Variants in RFLNA observed in about 807,000 individuals in gnomAD.
The protein encoded by RFLNA is refilin-A.
RFLNA carries 5 observed loss-of-function variants against 7.8 expected under a neutral mutation model. The ratio of observed to expected loss-of-function variants is 0.64; its 90% confidence interval spans 0.34 to 1.35. RFLNA has a LOEUF of 1.35. RFLNA is among the 40% of genes most tolerant of loss of function. The pLI is 0.04. For synonymous variants in RFLNA, 141 were observed against 131.3 expected (o/e 1.07, Z -0.50); for missense variants, 278 against 305.5 (o/e 0.91, Z 0.67).
chr12:124,296,326 C>T (rs1178056983), intron 1 of RFLNA, among the ~76,000 whole-genome samples: 1 of 150,562 alleles, frequency 6.6e-6, no homozygotes. Context: ...AGTTTGTCTC[C>T]TGCCAGACTA....
At chr12:124,301,929 C>T (rs1023790347) in intron 1 of RFLNA, among the ~76,000 whole-genome samples, 3 of 152,156 alleles carry the variant, frequency 2.0e-5, no homozygotes, top group African/African-American at 4.8e-5. Context: ...TTCCGGAGGC[C>T]AAGAAGTCTG....
chr12:124,309,441 G>A (rs1047617738), intron 1 of RFLNA, among the ~76,000 whole-genome samples: 4 of 152,202 alleles, frequency 2.6e-5, no homozygotes, highest in African/African-American at 9.7e-5. Flanking sequence ...GCGCAGTGCC[G>A]GCACACAGTG....
At position 124,295,636 on chromosome 12, in the gene RFLNA, G is replaced by T. The variant is rs1356626477; in HGVS notation, c.207G>T (p.Ala69=). Residue 69 remains alanine (A), a splice_region_variant and synonymous_variant, in exon 1 of 3, where the codon GCG becomes GCT. Transcript: ENST00000546355. The part of the protein sequence containing the change: ...SEPPGPSEAR[A]PPSQLPNPPA... ...CCCCGGGACCCAGCGAGGCCAGAGC[G>T]GTAAGGAGGCGCTCTCTCTCCCAAA... 1.6e-6 allele frequency: 2 copies of T among 1,233,034 alleles called. No individual in the cohort carries two copies. The highest frequency in any genetic ancestry group is 1.6e-5 in the African/African-American group (1 of 64,454). 76.4% of individuals were successfully genotyped at this position (1,233,034 alleles called of 1,614,324 possible). A position where few individuals can be genotyped will look rare whatever the true frequency, so the allele number is the denominator to read the frequency against.
At chr12:124,312,830 T>C (rs888080787) in intron 2 of RFLNA, among the ~76,000 whole-genome samples, 1 of 152,168 alleles carries the variant, frequency 6.6e-6, no homozygotes, top group African/African-American at 2.4e-5. Context: ...GGCATCCGAA[T>C]TGAATTAAGG....
intron 1 of RFLNA, among the ~76,000 whole-genome samples, chr12:124,302,950 G>C (rs901853158): frequency 5.3e-5 from 8 of 152,070 alleles, no homozygotes; most frequent in Admixed American, 5.2e-4. Flanking sequence ...GGGGCTCCCT[G>C]GCTATCCTGC....
Position 124,301,637 on chromosome 12 carries a change from C to T in RFLNA, c.207+6001C>T, listed in dbSNP as rs772832878. On this transcript the variant is annotated intron_variant, in intron 1 of 2. Transcript: ENST00000546355. ...TTTATAAGGGCAGGGTCTGGGTTCG[C>T]CATTTTTTTGTGTACAGAGATGGGT... is the stretch of plus-strand genomic sequence containing the variant. 7.1e-4 allele frequency among the ~76,000 whole-genome samples: 108 copies of T among 152,218 alleles called. 1 individual carries two copies. The highest frequency in any genetic ancestry group is 3.5e-4 in the Non-Finnish European group (24 of 68,016).
At chr12:124,292,633 G>A (rs1165337627), upstream of RFLNA, among the ~76,000 whole-genome samples, 5 of 152,176 alleles carry the variant, frequency 3.3e-5, no homozygotes, top group Non-Finnish European at 7.3e-5. Flanking sequence ...CCTTTGTAGT[G>A]CACTCATGTT....
chr12:124,309,063 C>T (rs2034188765), intron 1 of RFLNA, among the ~76,000 whole-genome samples: 1 of 152,196 alleles, frequency 6.6e-6, no homozygotes, highest in East Asian at 1.9e-4. Context: ...GAACAGGGTC[C>T]CAGGGCATGG....
intron 1 of RFLNA, among the ~76,000 whole-genome samples, chr12:124,300,226 C>T (rs577393854): frequency 6.6e-6 from 1 of 152,240 alleles, no homozygotes. Flanking sequence ...CAGCTGGTGG[C>T]CTGGGCTCTG....
chr12:124,307,960 G>A (rs1027543213), intron 1 of RFLNA, among the ~76,000 whole-genome samples: 1 of 151,212 alleles, frequency 6.6e-6, no homozygotes, highest in African/African-American at 2.4e-5. Context: ...CCTCCACATC[G>A]TCCCTGTGCG....
chr12:124,301,227 C>T (rs958269332), intron 1 of RFLNA, among the ~76,000 whole-genome samples: 1 of 152,176 alleles, frequency 6.6e-6, no homozygotes, highest in Non-Finnish European at 1.5e-5. Flanking sequence ...CGCGTCTGCT[C>T]GATCCCGGGT....
rs1347193364 is a variant in RFLNA, at chr12:124,316,007, T to C, written c.*1482T>C. 1 of 152,258 alleles carries C rather than the reference T, an allele frequency of 6.6e-6. No homozygotes were observed. The highest frequency in any genetic ancestry group is 1.5e-5 in the Non-Finnish European group (1 of 68,048). 9.4% of individuals were successfully genotyped at this position (152,258 alleles called of 1,614,324 possible). A position where few individuals can be genotyped will look rare whatever the true frequency, so the allele number is the denominator to read the frequency against. ...TTAAGAAATTGATTGATTATCTTAA[T>C]AAACTGTGCAAACCCAACGGGACTT... On this transcript the variant is annotated 3_prime_UTR_variant, in exon 3 of 3. Coordinates refer to ENST00000546355, the MANE Select transcript of RFLNA (RefSeq NM_001365156.1).
At position 124,314,471 on chromosome 12, in the gene RFLNA, G is replaced by C. The variant is rs2034313381; in HGVS notation, c.597G>C (p.Gln199His). 1.3e-6 allele frequency: 2 copies of C among 1,598,890 alleles called. No homozygotes were observed. The highest frequency in any genetic ancestry group is 1.7e-6 in the Non-Finnish European group (2 of 1,179,298). Residue 199 changes from glutamine to histidine, a missense_variant, in exon 3 of 3, where the codon CAG becomes CAC. Gln to His is a conservative substitution (Grantham distance 24, BLOSUM62 0). Coordinates refer to ENST00000546355, the MANE Select transcript of RFLNA (RefSeq NM_001365156.1). Reference sequence around the variant, plus strand: ...GCCGCTGGTTCACCGCCAGCGTGCAGCTGCAGCTTTGCCAGGACCCTGCCC... The same window carrying C: ...GCCGCTGGTTCACCGCCAGCGTGCACCTGCAGCTTTGCCAGGACCCTGCCC... ...RPSRWFTASV[Q>H]LQLCQDPAPS...
rs1460627148 is a variant in RFLNA, at chr12:124,311,964, G to T, written c.317+37G>T. 59 of 1,492,764 alleles carry T rather than the reference G, an allele frequency of 4.0e-5. 2 individuals carry two copies. The highest frequency in any genetic ancestry group is 5.0e-5 in the Non-Finnish European group (55 of 1,109,430). The allele number at this position is 1,492,764 out of a possible 1,614,324, so 92.5% of individuals were successfully genotyped here. On this transcript the variant is annotated intron_variant, in intron 2 of 2. Coordinates refer to ENST00000546355, the MANE Select transcript of RFLNA (RefSeq NM_001365156.1). ...ACTGGGCTCTGCGCGGGAGGAGGGG[G>T]TGGGGGGTTGGGTGCTGGTCCTGAC...
intron 1 of RFLNA, among the ~76,000 whole-genome samples, chr12:124,308,801 A>G (rs2034183115): frequency 6.6e-6 from 1 of 152,232 alleles, no homozygotes; most frequent in South Asian, 2.1e-4. Context: ...TGCACACAGC[A>G]GGCAGTGGTC....
chr12:124,291,760 C>G (rs890184146), upstream of RFLNA, among the ~76,000 whole-genome samples: 1 of 151,898 alleles, frequency 6.6e-6, no homozygotes, highest in African/African-American at 2.4e-5. Flanking sequence ...GCCTTCCTCG[C>G]AGAGTTGAGC....
rs1244473580 is a variant in RFLNA at position 124,289,465 on chromosome 12, A to T, written c.-37+95A>T. ...GTGGCAGACCGTTAGAACAGCTTTC[A>T]TTACTCACTGAAAGCACTGGGAATC... On this transcript the variant is annotated intron_variant, in intron 1 of 2. Transcript: ENST00000324038. This position sits in a 1 kb window ranked among gnomAD's most constrained non-coding sequence, Gnocchi z 5.0. 6.6e-6 allele frequency: 1 copy of T among 152,256 alleles called. No homozygotes were observed. Among genetic ancestry groups the T allele is most frequent in the African/African-American group, 2.4e-5 (1 of 41,454 alleles). The allele number at this position is 152,256 out of a possible 1,614,324, so 9.4% of individuals were successfully genotyped here.
chr12:124,296,072 T>TTTCTTTCTTTCTTTCTTTC (rs2033904091), intron 1 of RFLNA, among the ~76,000 whole-genome samples: 11 of 94,654 alleles, frequency 1.2e-4, no homozygotes, highest in African/African-American at 4.9e-4. Flanking sequence ...TGTGAAAGCC[T>TTTCTTTCTTTCTTTCTTTC]TTTCTTTCTT....
At position 124,295,546 on chromosome 12, in the gene RFLNA, C is replaced by T. The variant is rs2033892510; in HGVS notation, c.117C>T (p.Pro39=). The T allele has an allele frequency of 1.6e-6, 2 of 1,228,316 alleles. No homozygotes were observed. The highest frequency in any genetic ancestry group is 1.7e-5 in the African/African-American group (1 of 58,494). 76.1% of individuals were successfully genotyped at this position (1,228,316 alleles called of 1,614,324 possible). Residue 39 remains proline (P), a synonymous_variant, in exon 1 of 3, where the codon CCC becomes CCT. Coordinates refer to ENST00000546355, the MANE Select transcript of RFLNA (RefSeq NM_001365156.1). The part of the protein sequence containing the change: ...GLPPSPSPSP[P]FYSLAPGILD... ...CCCCCAGCCCCAGCCCCAGCCCGCC[C>T]TTCTACTCCCTGGCGCCCGGCATCC...
Sources: gnomAD v4.1 joint callset for allele counts (sites outside exome capture counted in the v4.1 genomes callset) on GRCh38, gnomAD v4.1.1 for gene constraint, Gnocchi (gnomAD v3.1) non-coding constraint, MANE v1.5 for transcripts, NCBI Gene and HGNC (gene_info 2026-07-23, HGNC 2026-07-21) for gene names.